FHIP1A: variants seen among roughly 807,000 people sequenced by gnomAD.
FHIP1A encodes FHF complex subunit HOOK-interacting protein 1A.
A neutral mutation model predicts 88.6 loss-of-function variants in FHIP1A; 61 were observed. The ratio of observed to expected loss-of-function variants is 0.69; its 90% CI spans 0.56 to 0.85. The LOEUF is 0.85. FHIP1A is among the 40% of genes least tolerant of loss of function. The pLI, the probability that FHIP1A is intolerant of heterozygous loss-of-function variation, is 0.00. For missense variants in FHIP1A, 1,154 were observed against 1,273.5 expected, an observed-to-expected ratio of 0.91 and a Z score of 1.43; for synonymous variants, 478 against 496.0, an observed-to-expected ratio of 0.96 and a Z score of 0.48.
intron 2 of FHIP1A, among the ~76,000 whole-genome samples, chr4:151,464,941 G>A (rs541511617): frequency 2.6e-4 from 40 of 152,204 alleles, no homozygotes; most frequent in South Asian, 8.3e-4. Flanking sequence ...GGGTGCCATG[G>A]CTCATGGCTG....
rs552675275 is a variant in FHIP1A at position 151,629,672 on chromosome 4, C to T, written c.979-30C>T. The T allele has an allele frequency of 2.3e-5, 36 of 1,546,410 alleles. No homozygotes were observed. In the African/African-American group the frequency reaches 4.4e-4, roughly 19 times the overall value. ...TGTATCACAGCATCAAAAGGATGCT[C>T]ACCTGTGCTCACTCCGTTGTTTGTC... On this transcript the variant is annotated intron_variant, in intron 7 of 13. Transcript: ENST00000435205.
chr4:151,448,751 T>C (rs1728693112), intron 1 of FHIP1A, among the ~76,000 whole-genome samples: 2 of 152,208 alleles, frequency 1.3e-5, no homozygotes, highest in African/African-American at 2.4e-5. Context: ...GTGAATGCTA[T>C]GAACATGGGT....
At chr4:151,421,564 T>C (rs1478947946) in intron 1 of FHIP1A, among the ~76,000 whole-genome samples, 2 of 152,240 alleles carry the variant, frequency 1.3e-5, no homozygotes, top group African/African-American at 4.8e-5. Context: ...TTGTGATATT[T>C]GGTAGTCTTG....
chr4:151,475,778 T>C (rs1189887944), intron 2 of FHIP1A, among the ~76,000 whole-genome samples: 1 of 152,104 alleles, frequency 6.6e-6, no homozygotes, highest in Non-Finnish European at 1.5e-5. Flanking sequence ...GCAAGAAGGG[T>C]TCATCATCTT....
chr4:151,532,582 T>C (rs1731917256), intron 3 of FHIP1A, among the ~76,000 whole-genome samples: 1 of 152,188 alleles, frequency 6.6e-6, no homozygotes, highest in African/African-American at 2.4e-5. Context: ...GTAAGGATTC[T>C]AACTCCTGAA....
chr4:151,630,549 CTT>C (rs752704757), intron 8 of FHIP1A, among the ~76,000 whole-genome samples: 27 of 152,022 alleles, frequency 1.8e-4, no homozygotes, highest in Non-Finnish European at 5.9e-5. Context: ...TTAATATAAA[CTT>C]GAAGTAAATT....
chr4:151,589,746 A>C (rs1490488645), intron 7 of FHIP1A, among the ~76,000 whole-genome samples: 1 of 152,170 alleles, frequency 6.6e-6, no homozygotes, highest in African/African-American at 2.4e-5. Flanking sequence ...TGATTATGGC[A>C]ACTTTGAAAC....
At chr4:151,446,555 G>T (rs1580574989) in intron 1 of FHIP1A, among the ~76,000 whole-genome samples, 2 of 122,304 alleles carry the variant, frequency 1.6e-5, no homozygotes, top group Admixed American at 8.3e-5. Context: ...TCAGTTTTCT[G>T]TAAATATGAA....
At position 151,638,315 on chromosome 4, in the gene FHIP1A, T is replaced by TTGTGTGTGTGTG. The variant is rs146664249; in HGVS notation, c.1147-342_1147-331dup. 6.8e-3 allele frequency among the ~76,000 whole-genome samples: 974 copies of TTGTGTGTGTGTG among 143,772 alleles called. 8 individuals carry two copies. Among genetic ancestry groups the TTGTGTGTGTGTG allele is most frequent in the East Asian group, 0.015 (75 of 4,968 alleles). The allele number at this position is 143,772 out of a possible 152,430, so 94.3% of individuals were successfully genotyped here. ...GAAAACAAATTACCTAAATAGGAGA[T>TTGTGTGTGTGTG]TGTGTGTGTGTGTGTGTGTGTGTGT... On this transcript the variant is annotated intron_variant, in intron 8 of 13. Coordinates refer to ENST00000435205, the MANE Select transcript of FHIP1A (RefSeq NM_001109977.3).
intron 3 of FHIP1A, among the ~76,000 whole-genome samples, chr4:151,518,239 T>C (rs568612286): frequency 2.2e-4 from 33 of 152,314 alleles, no homozygotes; most frequent in African/African-American, 6.0e-4. Context: ...ATATTTACCA[T>C]CATGTTACAG....
chr4:151,522,908 GGA>G (rs1393758826), intron 3 of FHIP1A, among the ~76,000 whole-genome samples: 4 of 152,208 alleles, frequency 2.6e-5, no homozygotes, highest in African/African-American at 9.6e-5. Flanking sequence ...TCACCGTCAA[GGA>G]GAGTGTGTTT....
At chr4:151,474,481 CGTT>C (rs1729632601) in intron 2 of FHIP1A, among the ~76,000 whole-genome samples, 1 of 152,092 alleles carries the variant, frequency 6.6e-6, no homozygotes, top group Non-Finnish European at 1.5e-5. Context: ...TTTCGCTTGA[CGTT>C]GTCTGAAGGA....
chr4:151,556,966 CA>C (rs564817005), intron 3 of FHIP1A, among the ~76,000 whole-genome samples: 94 of 152,138 alleles, frequency 6.2e-4, no homozygotes, highest in Non-Finnish European at 6.8e-4. Context: ...TGGTTTCCAA[CA>C]AATGCCTCGC....
At chr4:151,412,287 G>A (rs2126501327) in intron 1 of FHIP1A, among the ~76,000 whole-genome samples, 1 of 152,150 alleles carries the variant, frequency 6.6e-6, no homozygotes, top group Non-Finnish European at 1.5e-5. Context: ...TGTATTTTTA[G>A]TAGAGATGGG....
intron 3 of FHIP1A, among the ~76,000 whole-genome samples, chr4:151,510,669 T>A (rs1730996741): frequency 1.3e-5 from 2 of 152,184 alleles, no homozygotes; most frequent in Non-Finnish European, 2.9e-5. Flanking sequence ...GAGCTAGCAA[T>A]CTAGCAGTGG....
At chr4:151,475,917 A>G (rs921264323) in intron 2 of FHIP1A, among the ~76,000 whole-genome samples, 6 of 150,434 alleles carry the variant, frequency 4.0e-5, no homozygotes, top group Non-Finnish European at 8.9e-5. Context: ...GCTGGAGTGC[A>G]ATGGCATAGT....
At chr4:151,446,199 T>C (rs895552007) in intron 1 of FHIP1A, among the ~76,000 whole-genome samples, 3 of 152,116 alleles carry the variant, frequency 2.0e-5, no homozygotes, top group Non-Finnish European at 4.4e-5. Context: ...CCTGTGGATG[T>C]GGAATCATTT....
Position 151,623,463 on chromosome 4 carries a change from T to C in FHIP1A, c.979-6239T>C, listed in dbSNP as rs557806572. Reference sequence around the variant, plus strand: ...TTTTCCCCCTCCACCCCCGAAAATATGTACAGACAGGCAAATTTTGTTCTT... The same window carrying C: ...TTTTCCCCCTCCACCCCCGAAAATACGTACAGACAGGCAAATTTTGTTCTT... On this transcript the variant is annotated intron_variant, in intron 7 of 13. Coordinates refer to ENST00000435205, the MANE Select transcript of FHIP1A (RefSeq NM_001109977.3). Among the ~76,000 whole-genome samples, 213 of 151,208 alleles carry C rather than the reference T, an allele frequency of 1.4e-3. 1 individual carries two copies. The highest frequency in any genetic ancestry group is 4.9e-3 in the African/African-American group (203 of 41,192).
intron 5 of FHIP1A, among the ~76,000 whole-genome samples, chr4:151,581,283 T>A (rs935152022): frequency 6.6e-6 from 1 of 152,154 alleles, no homozygotes; most frequent in Non-Finnish European, 1.5e-5. Context: ...AGACTGTGGC[T>A]TTTTGGGGGT....
Sources: allele counts gnomAD v4.1 joint callset (sites outside exome capture counted in the v4.1 genomes callset), GRCh38; gene constraint gnomAD v4.1.1; transcripts MANE v1.5; gene names NCBI Gene and HGNC (gene_info 2026-07-23, HGNC 2026-07-21).